Variants in OPHN1 observed in about 807,000 individuals in gnomAD.
OPHN1 encodes oligophrenin 1.
OPHN1 carries 11 observed loss-of-function variants against 60.7 expected under a neutral mutation model. That is an observed-to-expected ratio of 0.18 (90% confidence interval 0.11 to 0.30). The LOEUF (loss-of-function observed/expected upper bound fraction) is 0.30, where lower values mean the gene tolerates loss of function less well. OPHN1 is among the 10% of genes least tolerant of loss of function. OPHN1 has a pLI of 1.00. For synonymous variants in OPHN1, 226 were observed against 222.6 expected (o/e 1.02, Z -0.14); for missense variants, 449 against 611.0 (o/e 0.73, Z 2.80).
chrX:68,333,359 G>A (rs1012876844), intron 2 of OPHN1, among the ~76,000 whole-genome samples: 10 of 109,468 alleles, frequency 9.1e-5, no homozygotes, highest in African/African-American at 3.0e-4. Context: ...ACATGCGGCC[G>A]GGCACGGTGG....
At chrX:68,405,234 C>T (rs191183677) in intron 2 of OPHN1, among the ~76,000 whole-genome samples, 7 of 112,191 alleles carry the variant, frequency 6.2e-5, no homozygotes, top group African/African-American at 2.3e-4. Context: ...TTGTTTGAGT[C>T]ACTCTGTTGC....
At chrX:68,158,710 G>A (rs1000712301) in intron 15 of OPHN1, among the ~76,000 whole-genome samples, 3 of 111,484 alleles carry the variant, frequency 2.7e-5, no homozygotes, top group African/African-American at 9.8e-5. Context: ...TTATGGCTGG[G>A]GCAGCCAAAA....
chrX:68,302,795 A>G (rs2147632945), intron 2 of OPHN1, among the ~76,000 whole-genome samples: 1 of 109,713 alleles, frequency 9.1e-6, no homozygotes, highest in East Asian at 2.9e-4. Context: ...GTGGTGGTGC[A>G]AGCCTGTAGT....
At chrX:68,114,203 TAAG>T (rs1168339393) in intron 16 of OPHN1, among the ~76,000 whole-genome samples, 1 of 111,001 alleles carries the variant, frequency 9.0e-6, no homozygotes, top group Non-Finnish European at 1.9e-5. Context: ...CTAATAATTA[TAAG>T]AATAGCAAAC....
chrX:68,189,402 A>G (rs1448953948), intron 15 of OPHN1, among the ~76,000 whole-genome samples: 2 of 111,156 alleles, frequency 1.8e-5, no homozygotes, highest in African/African-American at 6.6e-5. Context: ...CATGTGCACA[A>G]CGTGCAGGTT....
chrX:68,181,717 A>G (rs758413442), intron 15 of OPHN1, among the ~76,000 whole-genome samples: 1 of 111,806 alleles, frequency 8.9e-6, no homozygotes, highest in Non-Finnish European at 1.9e-5. Context: ...AATCACAGCT[A>G]CTTGGGAGGT....
chrX:68,333,636 AAAAT>A (rs775213774), intron 2 of OPHN1, among the ~76,000 whole-genome samples: 79 of 110,275 alleles, frequency 7.2e-4, no homozygotes, highest in Admixed American at 1.6e-3. Flanking sequence ...ACTCCGTCTC[AAAAT>A]AAATAAATAA....
chrX:68,265,310 A>G (rs181052076), intron 5 of OPHN1, among the ~76,000 whole-genome samples: 1,186 of 111,765 alleles, frequency 0.011, 14 homozygotes, highest in African/African-American at 0.037. Flanking sequence ...TCACACAGCC[A>G]GGTACTCCTC....
At chrX:68,230,184 C>A (rs1408088036) in intron 6 of OPHN1, among the ~76,000 whole-genome samples, 4 of 111,659 alleles carry the variant, frequency 3.6e-5, no homozygotes, top group Non-Finnish European at 5.6e-5. Context: ...CACTGGTCAT[C>A]AGAGAAATGC....
chrX:68,103,611 A>G (rs1187646871), intron 18 of OPHN1, among the ~76,000 whole-genome samples: 1 of 38,428 alleles, frequency 2.6e-5, no homozygotes, highest in African/African-American at 1.1e-4. Context: ...GGCTTTTGAT[A>G]AAATTCAACA....
At position 68,063,899 on chromosome X, in the gene OPHN1, G is replaced by A. The variant is rs1269213262; in HGVS notation, c.2113C>T (p.His705Tyr). The A allele has an allele frequency of 8.5e-7, 1 of 1,181,661 alleles. No individual in the cohort carries two copies. Among genetic ancestry groups the A allele is most frequent in the African/African-American group, 1.8e-5 (1 of 56,106 alleles). Residue 705 changes from histidine (H) to tyrosine (Y), a missense_variant, in exon 21 of 25, where the codon CAC becomes TAC. Coordinates refer to ENST00000355520, the MANE Select transcript of OPHN1 (RefSeq NM_002547.3). ...GSGPTKTPSF[H>Y]IKRPAPRPLA... ...GGCCGGGGAGCTGGTCTCTTTATGT[G>A]GAAAGAGGGGGTCTTGGTGGGCCCA...
intron 2 of OPHN1, among the ~76,000 whole-genome samples, chrX:68,329,394 A>G (rs903509938): frequency 3.6e-5 from 4 of 112,602 alleles, no homozygotes; most frequent in Non-Finnish European, 7.5e-5. Flanking sequence ...AAGGATGTTC[A>G]TTGGCATATT....
chrX:68,188,211 T>G (rs749873689), intron 15 of OPHN1, among the ~76,000 whole-genome samples: 2 of 112,560 alleles, frequency 1.8e-5, no homozygotes, highest in African/African-American at 6.4e-5. Context: ...TTATGTCAGG[T>G]GAGAACTAAA....
chrX:68,196,765 C>A (rs752588838), intron 12 of OPHN1, among the ~76,000 whole-genome samples: 2 of 112,203 alleles, frequency 1.8e-5, no homozygotes, highest in East Asian at 5.6e-4. Flanking sequence ...GCAGAAAAAT[C>A]ATTCTGAATA....
chrX:68,427,089 T>TA (rs11446400), intron 2 of OPHN1, among the ~76,000 whole-genome samples: 3,369 of 72,681 alleles, frequency 0.046, 265 homozygotes, highest in African/African-American at 0.16. Context: ...CCATCTCTAC[T>TA]AAAAAAAAAA....
chrX:68,327,642 G>A (rs1450461439), intron 2 of OPHN1, among the ~76,000 whole-genome samples: 2 of 57,530 alleles, frequency 3.5e-5, no homozygotes, highest in Admixed American at 2.1e-4. Context: ...CAAACGCTGC[G>A]GAAGGCCGCA....
chrX:68,084,309 A>G (rs2076986633), intron 19 of OPHN1, among the ~76,000 whole-genome samples: 1 of 82,418 alleles, frequency 1.2e-5, no homozygotes, highest in Non-Finnish European at 2.3e-5. Context: ...AGAAAACACA[A>G]GACACACAAA....
intron 8 of OPHN1, among the ~76,000 whole-genome samples, chrX:68,211,672 AT>A (rs2077585216): frequency 8.9e-6 from 1 of 112,429 alleles, no homozygotes; most frequent in African/African-American, 3.2e-5. Context: ...TTTAAAAGTA[AT>A]TTATGTGACT....
chrX:68,053,587 G>A, intron 22 of OPHN1, 58 bp downstream of exon 22: 3 of 1,123,448 alleles, frequency 2.7e-6, no homozygotes, highest in Non-Finnish European at 3.7e-6. Context: ...GATCCTGAAA[G>A]CATTCCTAGT....
Sources: allele counts gnomAD v4.1 joint callset (sites outside exome capture counted in the v4.1 genomes callset), GRCh38; gene constraint gnomAD v4.1.1; transcripts MANE v1.5; gene names NCBI Gene and HGNC (gene_info 2026-07-23, HGNC 2026-07-21).